NDUFAF6: variants seen among roughly 807,000 people sequenced by gnomAD.
NDUFAF6 encodes the protein NADH dehydrogenase (ubiquinone) complex I, assembly factor 6.
Under a neutral mutation model 40.8 loss-of-function variants are expected in NDUFAF6, and 45 were observed. That is an observed-to-expected ratio of 1.10 (90% CI 0.87 to 1.42). The LOEUF (loss-of-function observed/expected upper bound fraction) is 1.42, where lower values mean the gene tolerates loss of function less well. Among genes scored for constraint, NDUFAF6 ranks in the 40% most tolerant of loss-of-function variants. NDUFAF6 has a pLI of 0.00. For synonymous variants in NDUFAF6, 185 were observed against 155.9 expected (o/e 1.19, Z -1.39); for missense variants, 435 against 418.5 (o/e 1.04, Z -0.34).
intron 1 of NDUFAF6, among the ~76,000 whole-genome samples, chr8:94,923,260 A>G (rs887792918): frequency 2.0e-5 from 3 of 152,184 alleles, no homozygotes; most frequent in African/African-American, 7.2e-5. Context: ...ATTGCTATAT[A>G]GAGTCTGTGG....
downstream of NDUFAF6, among the ~76,000 whole-genome samples, chr8:95,061,448 T>A (rs1188921831): frequency 1.3e-5 from 2 of 152,212 alleles, no homozygotes; most frequent in Non-Finnish European, 2.9e-5. Flanking sequence ...TGTTTGTTCC[T>A]GCAAGGAACA....
chr8:94,961,546 C>T (rs1823575718), intron 1 of NDUFAF6, among the ~76,000 whole-genome samples: 1 of 152,160 alleles, frequency 6.6e-6, no homozygotes, highest in Admixed American at 6.5e-5. Context: ...CTCAGCCTCC[C>T]AGGTAGCTAG....
chr8:95,071,403 GAAA>G (rs10583999), intron 9 of NDUFAF6, among the ~76,000 whole-genome samples: 5 of 105,510 alleles, frequency 4.7e-5, no homozygotes, highest in African/African-American at 1.5e-4. Context: ...GTCTCCAAAA[GAAA>G]AAAAAAAAAA....
intron 1 of NDUFAF6, among the ~76,000 whole-genome samples, chr8:94,969,433 A>G (rs2131523462): frequency 6.6e-6 from 1 of 152,322 alleles, no homozygotes; most frequent in South Asian, 2.1e-4. Flanking sequence ...TACTTTAGAG[A>G]GAGCAGCTTG....
At chr8:94,903,657 A>G (rs959986168) in intron 1 of NDUFAF6, among the ~76,000 whole-genome samples, 7 of 152,226 alleles carry the variant, frequency 4.6e-5, no homozygotes, top group Non-Finnish European at 4.4e-5. Context: ...CTTCAGCTAT[A>G]TCTGTAACAT....
intron 2 of NDUFAF6, chr8:95,087,909 T>A (rs1809101817): frequency 6.6e-6 from 1 of 152,306 alleles, no homozygotes; most frequent in African/African-American, 2.4e-5. Flanking sequence ...TTACCACTGT[T>A]TCTCAAGATC....
At position 95,070,111 on chromosome 8, in the gene NDUFAF6, A is replaced by G. The variant is rs904608384; in HGVS notation, c.*512-5522A>G. The stretch of plus-strand genomic sequence containing the variant: ...CAAGGAGAGGGCCTCCTTTTTTGAG[A>G]GGCATAGCATATGGGACAAGAATGT... On this transcript the variant is annotated intron_variant and NMD_transcript_variant, in intron 9 of 9. Transcript: ENST00000520757. Among the ~76,000 whole-genome samples the G allele has an allele frequency of 2.6e-5, 4 of 151,786 alleles. No individual in the cohort carries two copies. The East Asian group carries it at 7.7e-4, about 29-fold the overall frequency.
chr8:94,943,699 TAC>T (rs1481373442), intron 1 of NDUFAF6, among the ~76,000 whole-genome samples: 1 of 152,246 alleles, frequency 6.6e-6, no homozygotes, highest in African/African-American at 2.4e-5. Flanking sequence ...ACTGAACTGC[TAC>T]AGTTGTTTGG....
chr8:95,022,639 A>C (rs935387310), upstream of NDUFAF6, among the ~76,000 whole-genome samples: 1 of 151,926 alleles, frequency 6.6e-6, no homozygotes, highest in African/African-American at 2.4e-5. Context: ...GTAGTACGAG[A>C]GAAACCAGAA....
chr8:95,098,868 G>T (rs1050711322), upstream of NDUFAF6, among the ~76,000 whole-genome samples: 1 of 151,974 alleles, frequency 6.6e-6, no homozygotes, highest in African/African-American at 2.4e-5. Flanking sequence ...GTTGCAGTGC[G>T]CCAAGATCGC....
chr8:94,936,558 CGAT>C (rs1419051049), intron 1 of NDUFAF6, among the ~76,000 whole-genome samples: 1 of 151,984 alleles, frequency 6.6e-6, no homozygotes, highest in Non-Finnish European at 1.5e-5. Context: ...GTTTTCCTAG[CGAT>C]GATGGAAGCC....
rs544072389 is a variant in NDUFAF6 at position 94,978,305 on chromosome 8, C to T, written c.-198-2554C>T. On this transcript the variant is annotated intron_variant, in intron 1 of 9. Transcript: ENST00000396111. ...AGAGCTTCTAGGTTGGTGAACACAT[C>T]TGCGTGTTAGAAGGATGGCGCACTC... Among the ~76,000 whole-genome samples the T allele has an allele frequency of 7.1e-4, 108 of 152,294 alleles. 2 individuals carry two copies. The highest frequency in any genetic ancestry group is 3.4e-3 in the Middle Eastern group (1 of 294).
chr8:94,928,301 G>A (rs932118117), intron 1 of NDUFAF6: 15 of 152,348 alleles, frequency 9.8e-5, no homozygotes, highest in Non-Finnish European at 1.9e-4. Flanking sequence ...AAAATCTCAT[G>A]GCTGAACTTC....
chr8:95,035,423 A>G (rs1419559786), intron 2 of NDUFAF6, 31 bp from the exon 3 acceptor site: 2 of 1,612,506 alleles, frequency 1.2e-6, no homozygotes, highest in South Asian at 2.2e-5. Context: ...TAGACAATGC[A>G]TTTGCTAAAG....
At chr8:95,001,909 T>C (rs1826753442) in intron 2 of NDUFAF6, among the ~76,000 whole-genome samples, 1 of 152,242 alleles carries the variant, frequency 6.6e-6, no homozygotes, top group Non-Finnish European at 1.5e-5. Context: ...AACAGAGAGC[T>C]AGAACATTGT....
intron 1 of NDUFAF6, among the ~76,000 whole-genome samples, chr8:94,931,187 A>C (rs1214131317): frequency 3.9e-5 from 6 of 152,208 alleles, no homozygotes; most frequent in Admixed American, 3.9e-4. Context: ...ATACCTTCAC[A>C]AGACATTTCC....
In NDUFAF6 at chr8:95,056,291, G is replaced by C. The variant is rs542600117; in HGVS notation, c.874-1518G>C. Among the ~76,000 whole-genome samples the C allele has an allele frequency of 2.0e-5, 3 of 151,122 alleles. No individual in the cohort carries two copies. In the East Asian group the frequency reaches 5.9e-4, roughly 30 times the overall value. On this transcript the variant is annotated intron_variant, in intron 8 of 8. Transcript: ENST00000396124. ...CAGGCTAGAGTGCAGGCTCACTGCAGCCTTGACCTCCCAGGCTCAAGACAT... is the reference window on the plus strand; with the variant it reads ...CAGGCTAGAGTGCAGGCTCACTGCACCCTTGACCTCCCAGGCTCAAGACAT...
chr8:95,023,803 C>A (rs889134680), upstream of NDUFAF6, among the ~76,000 whole-genome samples: 8 of 152,076 alleles, frequency 5.3e-5, no homozygotes, highest in African/African-American at 1.9e-4. Flanking sequence ...CCATCCTGGC[C>A]AACATGGTGA....
rs756888036 is a variant in NDUFAF6, at chr8:95,058,138, G to A, written c.*201G>A. 8.4e-5 allele frequency: 121 copies of A among 1,444,522 alleles called. No homozygotes were observed. Among genetic ancestry groups the A allele is most frequent in the Non-Finnish European group, 1.0e-4 (114 of 1,109,872 alleles). 89.5% of individuals were successfully genotyped at this position (1,444,522 alleles called of 1,614,324 possible). On this transcript the variant is annotated 3_prime_UTR_variant, in exon 9 of 9. Coordinates refer to ENST00000396124, the MANE Select transcript of NDUFAF6 (RefSeq NM_152416.4). ...GATTCTGGCAGAGGCACTGCCATTG[G>A]CACCCCTGGCCCAGACAGTGTCTGC...
Sources: gnomAD v4.1 joint callset for allele counts (sites outside exome capture counted in the v4.1 genomes callset) on GRCh38, gnomAD v4.1.1 for gene constraint, MANE v1.5 for transcripts, NCBI Gene and HGNC (gene_info 2026-07-23, HGNC 2026-07-21) for gene names.